SGCG: variants seen among roughly 807,000 people sequenced by gnomAD.
The protein encoded by SGCG is sarcoglycan gamma, also known as gamma-sarcoglycan.
Under a neutral mutation model 29.3 loss-of-function variants are expected in SGCG, and 26 were observed. That is an observed-to-expected ratio of 0.89 (90% CI 0.65 to 1.23). The LOEUF (loss-of-function observed/expected upper bound fraction) is 1.23. Among genes scored for constraint, SGCG ranks in the 50% most tolerant of loss-of-function variants. The pLI is 0.00. For missense variants in SGCG, 353 were observed against 356.0 expected, an observed-to-expected ratio of 0.99 and a Z score of 0.07; for synonymous variants, 145 against 129.7, an observed-to-expected ratio of 1.12 and a Z score of -0.80.
At chr13:23,319,308 A>G (rs1193024478) in intron 6 of SGCG, among the ~76,000 whole-genome samples, 3 of 151,840 alleles carry the variant, frequency 2.0e-5, no homozygotes, top group African/African-American at 4.8e-5. Flanking sequence ...TCAAAAAAAA[A>G]AAAAAGACAA....
chr13:23,175,965 T>C, the SGCG span, among the ~76,000 whole-genome samples: 2 of 152,170 alleles, frequency 1.3e-5, no homozygotes, highest in Non-Finnish European at 1.5e-5. Context: ...ATTTGATTAC[T>C]CATTTTGTTT....
chr13:23,290,405 A>G (rs1190953747), intron 5 of SGCG, among the ~76,000 whole-genome samples: 1 of 152,180 alleles, frequency 6.6e-6, no homozygotes, highest in Admixed American at 6.5e-5. Flanking sequence ...AGGGACAGAC[A>G]ATGCGGTGGG....
intron 6 of SGCG, among the ~76,000 whole-genome samples, chr13:23,305,198 G>A (rs1593101857): frequency 1.3e-5 from 2 of 152,164 alleles, no homozygotes; most frequent in Admixed American, 6.5e-5. Flanking sequence ...CCAAGAACAG[G>A]GGGTGTCTTT....
chr13:23,307,223 A>T (rs1420534164), intron 6 of SGCG, among the ~76,000 whole-genome samples: 1 of 152,188 alleles, frequency 6.6e-6, no homozygotes. Context: ...GACTCCCCTG[A>T]AGACTGAATT....
Position 23,186,799 on chromosome 13 carries a change from A to C in SGCG, c.-1+5724A>C, listed in dbSNP as rs147323292. Among the ~76,000 whole-genome samples the C allele has an allele frequency of 3.6e-3, 554 of 152,250 alleles. 2 individuals carry two copies. Among genetic ancestry groups the C allele is most frequent in the Non-Finnish European group, 6.1e-3 (417 of 68,010 alleles). ...CCTAGCGCCCCTCTGCCTTTGCCAT[A>C]AGGTGGGTCATTTGGCTTGTTGGCA... On this transcript the variant is annotated intron_variant, in intron 1 of 7. Coordinates refer to ENST00000218867, the MANE Select transcript of SGCG (RefSeq NM_000231.3).
At position 23,324,399 on chromosome 13, in the gene SGCG, C is replaced by A; in HGVS notation, c.734C>A (p.Pro245His). 6.2e-7 allele frequency: 1 copy of A among 1,614,156 alleles called. No homozygotes were observed. The highest frequency in any genetic ancestry group is 8.5e-7 in the Non-Finnish European group (1 of 1,180,034). The change falls in exon 8 of 8, where the codon CCC (proline) becomes CAC (histidine). Residue 245 changes from proline to histidine, a missense_variant. Coordinates refer to ENST00000218867, the MANE Select transcript of SGCG (RefSeq NM_000231.3). ...LVLDAETVCL[P>H]KLVQGTWGPS... ...CTTGATGCTGAAACTGTGTGCTTAC[C>A]CAAGCTGGTGCAGGGGACGTGGGGT...
intron 6 of SGCG, among the ~76,000 whole-genome samples, chr13:23,309,405 C>T (rs1036235467): frequency 1.1e-4 from 16 of 152,022 alleles, no homozygotes; most frequent in African/African-American, 3.6e-4. Context: ...CCATACCCAG[C>T]TTAGTTTTAA....
At chr13:23,276,686 C>T (rs1881087505) in intron 4 of SGCG, among the ~76,000 whole-genome samples, 2 of 152,204 alleles carry the variant, frequency 1.3e-5, no homozygotes, top group Admixed American at 6.5e-5. Context: ...CTGCCCGCCT[C>T]GGCTTCCCAA....
At chr13:23,279,556 TA>T (rs2137617934) in intron 5 of SGCG, 78 bp downstream of exon 5, 1 of 1,423,618 alleles carries the variant, frequency 7.0e-7, no homozygotes, top group African/African-American at 1.4e-5. Context: ...TTGACAAGTT[TA>T]TGTGGAATCT....
In SGCG at chr13:23,324,802, T is replaced by C. The variant is rs1214348394; in HGVS notation, c.*261T>C. 1.3e-5 allele frequency: 6 copies of C among 465,774 alleles called. No individual in the cohort carries two copies. Among genetic ancestry groups the C allele is most frequent in the Non-Finnish European group, 2.4e-5 (6 of 251,720 alleles). 28.9% of individuals were successfully genotyped at this position (465,774 alleles called of 1,614,324 possible). A position where few individuals can be genotyped will look rare whatever the true frequency, so the allele number is the denominator to read the frequency against. ...ACTGGATTAATTTTCACCGGAACAA[T>C]TGCGAATTCTCTCTGCCTCGCCTCC... is the stretch of plus-strand genomic sequence containing the variant. On this transcript the variant is annotated 3_prime_UTR_variant, in exon 8 of 8. Coordinates refer to ENST00000218867, the MANE Select transcript of SGCG (RefSeq NM_000231.3).
At chr13:23,276,431 CTTTTT>C (rs71100165) in intron 4 of SGCG, among the ~76,000 whole-genome samples, 4 of 102,338 alleles carry the variant, frequency 3.9e-5, no homozygotes, top group African/African-American at 1.4e-4. Context: ...TTTTAGTTTT[CTTTTT>C]TTTTTTTTTT....
intron 6 of SGCG, among the ~76,000 whole-genome samples, chr13:23,315,285 G>A (rs2137517832): frequency 6.6e-6 from 1 of 152,308 alleles, no homozygotes; most frequent in South Asian, 2.1e-4. Context: ...CGTAAACTGG[G>A]TGGGTGCCTT....
intron 5 of SGCG, among the ~76,000 whole-genome samples, chr13:23,285,477 C>G (rs1037983603): frequency 2.0e-5 from 3 of 152,168 alleles, no homozygotes; most frequent in African/African-American, 7.2e-5. Flanking sequence ...CCCAAGTGTC[C>G]CAGGTCAACT....
chr13:23,235,633 G>A (rs150431803), intron 3 of SGCG, among the ~76,000 whole-genome samples: 26 of 152,330 alleles, frequency 1.7e-4, no homozygotes, highest in African/African-American at 6.3e-4. Context: ...GTGATGCTAT[G>A]AGCATTATAG....
intron 7 of SGCG, 54 bp from the exon 8 acceptor site, chr13:23,324,314 G>A (rs533659901): frequency 6.5e-7 from 1 of 1,544,508 alleles, no homozygotes; most frequent in Admixed American, 1.7e-5. Flanking sequence ...GGGATTTGCT[G>A]CTGACCAGGG....
At chr13:23,227,701 A>T (rs536393368) in intron 2 of SGCG, among the ~76,000 whole-genome samples, 57 of 152,312 alleles carry the variant, frequency 3.7e-4, no homozygotes, top group African/African-American at 1.3e-3. Flanking sequence ...CATCTATGTT[A>T]TGTCCTGGAA....
At chr13:23,219,748 A>G (rs968825810) in intron 2 of SGCG, among the ~76,000 whole-genome samples, 1 of 65,164 alleles carries the variant, frequency 1.5e-5, no homozygotes, top group African/African-American at 4.5e-5. Flanking sequence ...ATACACAATT[A>G]TTATTTTTTT....
chr13:23,234,770 C>T, intron 3 of SGCG, 58 bp downstream of exon 3: 1 of 1,167,396 alleles, frequency 8.6e-7, no homozygotes, highest in East Asian at 2.3e-5. Flanking sequence ...CATGTTTAAG[C>T]ACAAAAATTC....
At chr13:23,315,147 G>T (rs1377236632) in intron 6 of SGCG, among the ~76,000 whole-genome samples, 2 of 152,144 alleles carry the variant, frequency 1.3e-5, no homozygotes, top group Admixed American at 1.3e-4. Flanking sequence ...TTGGAGCAAG[G>T]CCCTGCCATC....
Sources: allele counts gnomAD v4.1 joint callset (sites outside exome capture counted in the v4.1 genomes callset), GRCh38; gene constraint gnomAD v4.1.1; transcripts MANE v1.5; gene names NCBI Gene and HGNC (gene_info 2026-07-23, HGNC 2026-07-21).